The following PARVB variants were observed in gnomAD, a reference collection of about 807,000 sequenced individuals.
The protein encoded by PARVB is parvin beta, also known as beta-parvin.
A neutral mutation model predicts 47.0 loss-of-function variants in PARVB; 46 were observed. That is an observed-to-expected ratio of 0.98 (90% CI 0.77 to 1.25). PARVB has a LOEUF of 1.25. Among genes scored for constraint, PARVB ranks in the 50% most tolerant of loss-of-function variants. The pLI is 0.00. For missense variants in PARVB, 473 were observed against 471.6 expected (o/e 1.00, Z -0.03); for synonymous variants, 196 against 196.3 (o/e 1.00, Z 0.01).
chr22:44,032,894 C>G (rs2050850086), intron 1 of PARVB, among the ~76,000 whole-genome samples: 1 of 152,176 alleles, frequency 6.6e-6, no homozygotes. Context: ...GCTGTCACCC[C>G]CAGAACAGGA....
intron 11 of PARVB, among the ~76,000 whole-genome samples, chr22:44,159,255 A>G (rs1410991978): frequency 6.6e-6 from 1 of 152,116 alleles, no homozygotes; most frequent in African/African-American, 2.4e-5. Flanking sequence ...TTTTGGAGAG[A>G]TCTTTTCTTT....
At chr22:44,072,673 C>T (rs1157004513) in intron 1 of PARVB, among the ~76,000 whole-genome samples, 1 of 152,128 alleles carries the variant, frequency 6.6e-6, no homozygotes, top group Non-Finnish European at 1.5e-5. Context: ...AACTCCTGAC[C>T]TCAAGTCATC....
intron 4 of PARVB, among the ~76,000 whole-genome samples, chr22:44,123,190 T>G (rs1225667583): frequency 2.0e-5 from 3 of 152,228 alleles, no homozygotes; most frequent in Non-Finnish European, 4.4e-5. Flanking sequence ...CATTAAAAAA[T>G]GGCTCCCTTG....
chr22:44,117,509 G>C (rs903728593), intron 3 of PARVB, among the ~76,000 whole-genome samples: 14 of 152,188 alleles, frequency 9.2e-5, no homozygotes, highest in Admixed American at 7.2e-4. Flanking sequence ...GTGGAAGCAG[G>C]GTAGTTGGTG....
At chr22:44,081,366 A>T (rs2051895409) in intron 1 of PARVB, among the ~76,000 whole-genome samples, 1 of 152,224 alleles carries the variant, frequency 6.6e-6, no homozygotes, top group Admixed American at 6.5e-5. Flanking sequence ...CAGGGGAGAC[A>T]GCCGCTAGAG....
intron 1 of PARVB, among the ~76,000 whole-genome samples, chr22:44,076,142 A>G (rs976681187): frequency 1.3e-5 from 2 of 152,234 alleles, no homozygotes; most frequent in African/African-American, 2.4e-5. Context: ...CAGCCCCTCA[A>G]TGCTAGGCCT....
intron 2 of PARVB, 44 bp from the exon 3 acceptor site, chr22:44,100,009 C>G (rs747137437): frequency 2.8e-5 from 43 of 1,534,688 alleles, no homozygotes; most frequent in Admixed American, 1.0e-4. Flanking sequence ...GTGTCCCTGC[C>G]ACCCCCACAA....
At chr22:44,036,345 C>CTG (rs201682388) in intron 1 of PARVB, among the ~76,000 whole-genome samples, 15 of 152,056 alleles carry the variant, frequency 9.9e-5, no homozygotes, top group East Asian at 9.7e-4. Flanking sequence ...TGAACACAGT[C>CTG]TGTGTGTGTG....
At chr22:44,031,120 C>G (rs1423844480) in intron 1 of PARVB, among the ~76,000 whole-genome samples, 1 of 152,154 alleles carries the variant, frequency 6.6e-6, no homozygotes, top group African/African-American at 2.4e-5. Context: ...CTCCTTCGAG[C>G]AGAGGCCGTC....
At chr22:44,112,075 G>C (rs369527840) in intron 3 of PARVB, 1 of 152,136 alleles carries the variant, frequency 6.6e-6, no homozygotes, top group Admixed American at 6.6e-5. Flanking sequence ...AGGGTAGTTA[G>C]GATTGCTGCT....
At chr22:44,104,561 A>G (rs2052526373) in intron 3 of PARVB, 2 of 152,408 alleles carry the variant, frequency 1.3e-5, no homozygotes, top group Admixed American at 6.5e-5. Context: ...GTCCAGGCAT[A>G]TTCCCTGTCT....
intron 1 of PARVB, among the ~76,000 whole-genome samples, chr22:44,076,220 C>T (rs1052141501): frequency 2.6e-4 from 39 of 152,224 alleles, no homozygotes; most frequent in Non-Finnish European, 5.1e-4. Context: ...GTTGGGGGCC[C>T]CATGGCAGCT....
At chr22:44,141,540 G>A (rs564025789) in intron 8 of PARVB, 1 of 152,198 alleles carries the variant, frequency 6.6e-6, no homozygotes, top group Non-Finnish European at 1.5e-5. Context: ...CTGGATTAAG[G>A]GTGGTCTGCC....
intron 1 of PARVB, among the ~76,000 whole-genome samples, chr22:44,057,553 A>T (rs2036293225): frequency 7.0e-6 from 1 of 142,582 alleles, no homozygotes. Flanking sequence ...GTTTATCCGC[A>T]CTCTGGGTGG....
chr22:44,026,325 G>A, intron 1 of PARVB: 2 of 985,570 alleles, frequency 2.0e-6, no homozygotes, highest in Non-Finnish European at 2.4e-6. Flanking sequence ...CGGGCGTGGA[G>A]GCAGGAGGAG....
Position 44,119,118 on chromosome 22 carries a change from C to G in PARVB, c.354C>G (p.Gly118=). Residue 118 remains glycine, a synonymous_variant, in exon 4 of 13, where the codon GGC becomes GGG. Transcript: ENST00000338758. ...VKQLEEDLYD[G]QVLQKLLEKL... is the part of the protein sequence containing the mutation. The stretch of plus-strand genomic sequence containing the variant: ...AGCTGGAGGAAGACCTGTATGACGG[C>G]CAGGTGCTGCAGAAGCTCTTGGGTG... 1 of 1,613,144 alleles carries G rather than the reference C, an allele frequency of 6.2e-7. No homozygotes were observed.
At chr22:44,161,512 C>T (rs1047979151) in intron 11 of PARVB, among the ~76,000 whole-genome samples, 1 of 151,998 alleles carries the variant, frequency 6.6e-6, no homozygotes, top group South Asian at 2.1e-4. Context: ...CGGGGTTTTA[C>T]CATGTTGGCC....
intron 1 of PARVB, among the ~76,000 whole-genome samples, chr22:44,040,767 G>A (rs1027655535): frequency 2.0e-5 from 3 of 152,168 alleles, no homozygotes; most frequent in Non-Finnish European, 2.9e-5. Context: ...TGTAATCCCA[G>A]CACTTTGGGA....
intron 3 of PARVB, among the ~76,000 whole-genome samples, chr22:44,116,459 T>C (rs2052904862): frequency 1.3e-5 from 2 of 152,190 alleles, no homozygotes; most frequent in Non-Finnish European, 2.9e-5. Context: ...TGGAGTCTAG[T>C]AGAATGTAAG....
Sources: allele counts gnomAD v4.1 joint callset (sites outside exome capture counted in the v4.1 genomes callset), GRCh38; gene constraint gnomAD v4.1.1; transcripts MANE v1.5; gene names NCBI Gene and HGNC (gene_info 2026-07-23, HGNC 2026-07-21).